STAC: variants seen among roughly 807,000 people sequenced by gnomAD.
STAC encodes SH3 and cysteine rich domain.
STAC carries 43 observed loss-of-function variants against 48.8 expected under a neutral mutation model. The observed-to-expected ratio is 0.88, with a 90% CI of 0.69 to 1.14. The LOEUF (loss-of-function observed/expected upper bound fraction) is 1.14. Ranked by LOEUF, STAC falls within the 50% of genes most tolerant of loss-of-function variation. The pLI is 0.00. For missense variants in STAC, 497 were observed against 504.0 expected (o/e 0.99, Z 0.13); for synonymous variants, 193 against 179.5 (o/e 1.07, Z -0.60).
chr3:36,435,053 T>C (rs1249182562), intron 1 of STAC, among the ~76,000 whole-genome samples: 2 of 152,222 alleles, frequency 1.3e-5, no homozygotes, highest in Non-Finnish European at 2.9e-5. Flanking sequence ...TGTAACTTGC[T>C]AGCCATTTAA....
At chr3:36,538,455 T>C (rs143594752) in intron 10 of STAC, among the ~76,000 whole-genome samples, 84 of 152,314 alleles carry the variant, frequency 5.5e-4, no homozygotes, top group Admixed American at 1.6e-3. Flanking sequence ...AAAACTGTTA[T>C]TGATAACTGC....
chr3:36,489,798 A>G (rs551892034), intron 5 of STAC, among the ~76,000 whole-genome samples: 1 of 152,326 alleles, frequency 6.6e-6, no homozygotes, highest in African/African-American at 2.4e-5. Context: ...GCACGAATCA[A>G]TGAATGAATG....
intron 1 of STAC, among the ~76,000 whole-genome samples, chr3:36,414,504 G>A (rs1289790518): frequency 2.0e-5 from 3 of 152,048 alleles, no homozygotes; most frequent in South Asian, 2.1e-4. Flanking sequence ...CGTAGTTCTC[G>A]TGCCATGGTT....
intron 2 of STAC, among the ~76,000 whole-genome samples, chr3:36,454,159 A>C (rs773574335): frequency 5.9e-5 from 9 of 152,144 alleles, no homozygotes; most frequent in Non-Finnish European, 1.3e-4. Flanking sequence ...ATCCTCTTCC[A>C]CGCTGTGGAA....
At chr3:36,473,868 T>G (rs1697414291) in intron 2 of STAC, among the ~76,000 whole-genome samples, 1 of 152,218 alleles carries the variant, frequency 6.6e-6, no homozygotes, top group Non-Finnish European at 1.5e-5. Context: ...ATTGTTTTTA[T>G]TAAATAAGGA....
chr3:36,508,825 G>A (rs61097201), intron 8 of STAC, among the ~76,000 whole-genome samples: 2,488 of 152,136 alleles, frequency 0.016, 66 homozygotes, highest in African/African-American at 0.057. Context: ...CACATGAGAT[G>A]GGTCTCCTGA....
chr3:36,393,074 C>T lies in STAC; in HGVS notation c.111+12320C>T, dbSNP rs550351563. On this transcript the variant is annotated intron_variant, in intron 1 of 10. Transcript: ENST00000273183. ...GACTTCATTCAAACAAGCATTACAC[C>T]CTCTCTAGAATCTCCCTTTCAAGCT... Among the ~76,000 whole-genome samples, 9 of 152,260 alleles carry T rather than the reference C, an allele frequency of 5.9e-5. No homozygotes were observed. In the South Asian group the frequency reaches 1.4e-3, roughly 25 times the overall value.
At chr3:36,519,014 C>T (rs1037891650) in intron 8 of STAC, among the ~76,000 whole-genome samples, 22 of 152,004 alleles carry the variant, frequency 1.4e-4, no homozygotes, top group African/African-American at 4.6e-4. Context: ...CTCAAAGGGA[C>T]GTGAAAGAAG....
intron 8 of STAC, among the ~76,000 whole-genome samples, chr3:36,520,752 C>T (rs1321739008): frequency 2.0e-5 from 3 of 152,182 alleles, no homozygotes; most frequent in South Asian, 2.1e-4. Context: ...AAACCCAGAT[C>T]TTCCCAAATG....
At position 36,423,192 on chromosome 3, in the gene STAC, A is replaced by G. The variant is rs1353433209; in HGVS notation, c.112-20172A>G. Reference sequence around the variant, plus strand: ...ATGAAGTAGGCATATACACAGGCTTAAGGCCGAATTTCAGAAGTGATACAC... The same window carrying G: ...ATGAAGTAGGCATATACACAGGCTTGAGGCCGAATTTCAGAAGTGATACAC... On this transcript the variant is annotated intron_variant, in intron 1 of 10. Coordinates refer to ENST00000273183, the MANE Select transcript of STAC (RefSeq NM_003149.3). Among the ~76,000 whole-genome samples, 3 of 152,110 alleles carry G rather than the reference A, an allele frequency of 2.0e-5. No homozygotes were observed. The East Asian group carries it at 5.8e-4, about 29-fold the overall frequency.
At chr3:36,442,619 C>CT (rs1014287027) in intron 1 of STAC, among the ~76,000 whole-genome samples, 5 of 152,006 alleles carry the variant, frequency 3.3e-5, no homozygotes, top group Admixed American at 1.3e-4. Flanking sequence ...TGTTTTGGTG[C>CT]TTTTTTATAA....
intron 10 of STAC, among the ~76,000 whole-genome samples, chr3:36,538,979 A>G (rs575416585): frequency 9.9e-5 from 15 of 152,226 alleles, no homozygotes; most frequent in African/African-American, 2.9e-4. Context: ...CTGGTTTACC[A>G]TGTTTCCTTT....
intron 6 of STAC, among the ~76,000 whole-genome samples, 153 bp downstream of exon 6, chr3:36,493,382 T>C (rs1330651755): frequency 1.3e-5 from 2 of 152,164 alleles, no homozygotes; most frequent in East Asian, 1.9e-4. Flanking sequence ...GTGAGCATTG[T>C]TTCTGGTGGA....
intron 1 of STAC, among the ~76,000 whole-genome samples, chr3:36,416,584 G>A (rs1337422463): frequency 6.6e-6 from 1 of 152,126 alleles, no homozygotes; most frequent in African/African-American, 2.4e-5. Flanking sequence ...ATCAAGTCTT[G>A]TATTTTTTAT....
chr3:36,449,291 G>C (rs1208005315), intron 2 of STAC, among the ~76,000 whole-genome samples: 1 of 152,186 alleles, frequency 6.6e-6, no homozygotes, highest in Non-Finnish European at 1.5e-5. Flanking sequence ...GGAGAACAGA[G>C]GCAGTGGGAC....
At chr3:36,543,683 C>T (rs564022586) in intron 10 of STAC, among the ~76,000 whole-genome samples, 13 of 152,094 alleles carry the variant, frequency 8.5e-5, no homozygotes, top group Non-Finnish European at 1.3e-4. Flanking sequence ...AACTGAAATT[C>T]GTTCTTCACA....
intron 1 of STAC, among the ~76,000 whole-genome samples, chr3:36,405,582 T>C (rs1700073494): frequency 6.6e-6 from 1 of 152,216 alleles, no homozygotes; most frequent in Non-Finnish European, 1.5e-5. Context: ...AGACCCTGCA[T>C]GATCTAACCC....
intron 2 of STAC, among the ~76,000 whole-genome samples, chr3:36,466,712 G>A (rs991118053): frequency 4.6e-5 from 7 of 152,202 alleles, no homozygotes; most frequent in African/African-American, 1.7e-4. Flanking sequence ...CTAAAACTTT[G>A]CTGGATTCAT....
intron 2 of STAC, among the ~76,000 whole-genome samples, chr3:36,474,452 T>C (rs1378695611): frequency 1.3e-5 from 2 of 152,214 alleles, no homozygotes; most frequent in Non-Finnish European, 1.5e-5. Context: ...CCTTTCACTT[T>C]CAGTGGAAGA....
Sources: allele counts gnomAD v4.1 joint callset (sites outside exome capture counted in the v4.1 genomes callset), GRCh38; gene constraint gnomAD v4.1.1; transcripts MANE v1.5; gene names NCBI Gene and HGNC (gene_info 2026-07-23, HGNC 2026-07-21).